Variants in DMD observed in about 807,000 individuals in gnomAD.
The protein encoded by DMD is mutant dystrophin.
A neutral mutation model predicts 330.1 loss-of-function variants in DMD; 63 were observed. The ratio of observed to expected loss-of-function variants is 0.19; its 90% CI spans 0.16 to 0.24. The LOEUF (loss-of-function observed/expected upper bound fraction) is 0.24. Ranked by LOEUF, DMD falls within the 10% of genes least tolerant of loss-of-function variation. The probability of loss-of-function intolerance (pLI) is 1.00; values close to 1 mark genes in which losing one functional copy is unlikely to be tolerated. For missense variants in DMD, 3,344 were observed against 2,684.1 expected, an observed-to-expected ratio of 1.25 and a Z score of -5.43; for synonymous variants, 1,223 against 959.8, an observed-to-expected ratio of 1.27 and a Z score of -5.07.
intron 1 of DMD, among the ~76,000 whole-genome samples, chrX:33,026,344 A>AG (rs2094003035): frequency 1.0e-5 from 1 of 98,841 alleles, no homozygotes; most frequent in Non-Finnish European, 2.0e-5. Flanking sequence ...AAAAAAAAAA[A>AG]AAAGAAAGAA....
intron 52 of DMD, among the ~76,000 whole-genome samples, chrX:31,706,167 A>C (rs1400070321): frequency 1.8e-5 from 2 of 110,129 alleles, no homozygotes; most frequent in Non-Finnish European, 3.8e-5. Context: ...AAAAAAAGCA[A>C]AACCAGACAG....
chrX:31,608,122 G>A (rs915713760), intron 55 of DMD, among the ~76,000 whole-genome samples: 1 of 111,841 alleles, frequency 8.9e-6, no homozygotes, highest in Non-Finnish European at 1.9e-5. Flanking sequence ...ACAGAGCTAT[G>A]ATTCCATTAT....
chrX:32,931,159 T>C (rs752847775), intron 2 of DMD, among the ~76,000 whole-genome samples: 1 of 109,823 alleles, frequency 9.1e-6, no homozygotes, highest in East Asian at 2.8e-4. Flanking sequence ...AAAGCCCCAG[T>C]TTTTGAGGAA....
At chrX:33,122,684 C>G in intron 1 of DMD, among the ~76,000 whole-genome samples, 1 of 112,111 alleles carries the variant, frequency 8.9e-6, no homozygotes, top group East Asian at 2.8e-4. Context: ...CATGTTTAAT[C>G]TTGGTTTGAG....
chrX:32,976,202 T>C (rs756752064), intron 2 of DMD, among the ~76,000 whole-genome samples: 1 of 81,780 alleles, frequency 1.2e-5, no homozygotes, highest in South Asian at 7.6e-4. Flanking sequence ...GCTTTGGTAA[T>C]AGAACGAGAC....
rs200246327 is a variant in DMD, at chrX:32,343,258, G to A, written c.5615C>T (p.Ala1872Val). The A allele has an allele frequency of 8.3e-7, 1 of 1,208,064 alleles. No individual in the cohort carries two copies. The highest frequency in any genetic ancestry group is 1.1e-6 in the Non-Finnish European group (1 of 892,815). The change falls in exon 40 of 79, where the codon GCT (alanine) becomes GTT (valine). Residue 1872 changes from alanine (A) to valine (V), a missense_variant. Coordinates refer to ENST00000357033, the MANE Select transcript of DMD (RefSeq NM_004006.3). ...ATACCACTGATGAGAAATTTCTAGA[G>A]CCTTTTTTCTTCTTTGAGACCTCAA... ...KDLRSQRRKK[A>V]LEISHQWYQY...
At chrX:32,362,551 G>C (rs2097840767) in intron 37 of DMD, among the ~76,000 whole-genome samples, 1 of 111,275 alleles carries the variant, frequency 9.0e-6, no homozygotes, top group Admixed American at 9.6e-5. Context: ...GAATATCTAT[G>C]GCAGCAAAAG....
intron 44 of DMD, among the ~76,000 whole-genome samples, chrX:32,113,859 T>C (rs1230706435): frequency 1.8e-5 from 2 of 111,916 alleles, no homozygotes; most frequent in African/African-American, 6.5e-5. Context: ...TATATATTAA[T>C]ATTTCAACAT....
intron 44 of DMD, among the ~76,000 whole-genome samples, chrX:32,074,124 T>C (rs907678308): frequency 9.0e-6 from 1 of 111,199 alleles, no homozygotes. Flanking sequence ...CCACATGACA[T>C]CAAAAGCTAT....
chrX:31,384,312 TA>T (rs2060334508), intron 60 of DMD, among the ~76,000 whole-genome samples: 1 of 17,162 alleles, frequency 5.8e-5, no homozygotes, highest in Non-Finnish European at 1.2e-4. Context: ...CCTGCTTCAC[TA>T]CTACTACTAC....
chrX:31,396,548 GTTTTTTTTTTTT>G (rs56745544), intron 60 of DMD, among the ~76,000 whole-genome samples: 17 of 66,067 alleles, frequency 2.6e-4, no homozygotes, highest in African/African-American at 7.2e-4. Context: ...AAATCCCAGG[GTTTTTTTTTTTT>G]TTTTTTTTTT....
intron 1 of DMD, among the ~76,000 whole-genome samples, chrX:33,085,567 C>T (rs183968864): frequency 1.5e-3 from 163 of 112,142 alleles, no homozygotes; most frequent in Non-Finnish European, 1.1e-3. Context: ...ATTAAAACAA[C>T]TCAGTTTATG....
At chrX:32,787,429 G>C (rs1265184747) in intron 7 of DMD, among the ~76,000 whole-genome samples, 6 of 110,522 alleles carry the variant, frequency 5.4e-5, no homozygotes, top group African/African-American at 1.6e-4. Flanking sequence ...CAGAATGAGT[G>C]GGAAGGTCAC....
chrX:32,626,611 G>C (rs1232614025), intron 11 of DMD, among the ~76,000 whole-genome samples: 1 of 104,250 alleles, frequency 9.6e-6, no homozygotes, highest in Admixed American at 1.0e-4. Context: ...GCTTAAATAA[G>C]TAATTTTTAA....
At chrX:31,866,332 C>T (rs1477665897) in intron 48 of DMD, among the ~76,000 whole-genome samples, 1 of 111,561 alleles carries the variant, frequency 9.0e-6, no homozygotes, top group Non-Finnish European at 1.9e-5. Context: ...CCAGAAGCAA[C>T]CACCTGAGGT....
intron 7 of DMD, among the ~76,000 whole-genome samples, chrX:32,732,740 C>T (rs1322272343): frequency 9.1e-6 from 1 of 110,290 alleles, no homozygotes; most frequent in African/African-American, 3.3e-5. Context: ...CCAGGCCTGC[C>T]CTAAAAGAGC....
At chrX:33,332,538 A>C (rs2054195090) in intron 1 of DMD, among the ~76,000 whole-genome samples, 1 of 111,384 alleles carries the variant, frequency 9.0e-6, no homozygotes, top group African/African-American at 3.3e-5. Flanking sequence ...CCTCTGACTT[A>C]TATTTTCCTG....
intron 60 of DMD, among the ~76,000 whole-genome samples, chrX:31,361,505 T>C (rs2058933958): frequency 9.0e-6 from 1 of 111,427 alleles, no homozygotes; most frequent in Non-Finnish European, 1.9e-5. Context: ...TATGTATTTT[T>C]GGAAGTGAGA....
chrX:33,331,046 T>A (rs936149976), intron 1 of DMD, among the ~76,000 whole-genome samples: 1 of 112,526 alleles, frequency 8.9e-6, no homozygotes, highest in African/African-American at 3.2e-5. Context: ...ATCTTAGTCA[T>A]CTTGCTCTAG....
Sources: gnomAD v4.1 joint callset for allele counts (sites outside exome capture counted in the v4.1 genomes callset) on GRCh38, gnomAD v4.1.1 for gene constraint, MANE v1.5 for transcripts, NCBI Gene and HGNC (gene_info 2026-07-23, HGNC 2026-07-21) for gene names.